Variants in CDH12 observed in about 807,000 individuals in gnomAD.
The protein encoded by CDH12 is cadherin-12.
In CDH12, 41 loss-of-function variants were observed where a neutral mutation model predicts 74.1. The ratio of observed to expected loss-of-function variants is 0.55; its 90% CI spans 0.43 to 0.72. The LOEUF is 0.72. Among genes scored for constraint, CDH12 ranks in the 30% least tolerant of loss-of-function variants. CDH12 has a pLI of 0.00. For synonymous variants in CDH12, 399 were observed against 355.0 expected, an observed-to-expected ratio of 1.12 and a Z score of -1.39; for missense variants, 945 against 977.2, an observed-to-expected ratio of 0.97 and a Z score of 0.44.
At chr5:22,760,340 C>T (rs895919798) in intron 1 of CDH12, among the ~76,000 whole-genome samples, 3 of 152,034 alleles carry the variant, frequency 2.0e-5, no homozygotes. Flanking sequence ...ATTCTCAGTG[C>T]CTAAAACAAT....
chr5:21,925,582 A>G (rs777006485), intron 6 of CDH12, among the ~76,000 whole-genome samples: 6 of 152,212 alleles, frequency 3.9e-5, no homozygotes, highest in Non-Finnish European at 7.3e-5. Flanking sequence ...AAGTAACACT[A>G]TCAGTTATAA....
At chr5:22,740,419 T>C (rs1046330476) in intron 1 of CDH12, among the ~76,000 whole-genome samples, 6 of 151,406 alleles carry the variant, frequency 4.0e-5, no homozygotes, top group Non-Finnish European at 7.4e-5. Context: ...ATAGATTCAT[T>C]AGGTAAAAAA....
chr5:22,269,489 C>A (rs753509737), intron 3 of CDH12, among the ~76,000 whole-genome samples: 5 of 152,060 alleles, frequency 3.3e-5, no homozygotes, highest in Non-Finnish European at 5.9e-5. Flanking sequence ...TAGACTCTTT[C>A]TATATAAGCA....
intron 1 of CDH12, among the ~76,000 whole-genome samples, chr5:22,511,696 A>G (rs1736616588): frequency 6.6e-6 from 1 of 152,200 alleles, no homozygotes; most frequent in Non-Finnish European, 1.5e-5. Flanking sequence ...CTAAAAGTGA[A>G]ATGCAGGTAA....
chr5:22,459,038 C>T (rs1040319836), intron 2 of CDH12, among the ~76,000 whole-genome samples: 13 of 151,964 alleles, frequency 8.6e-5, no homozygotes, highest in Admixed American at 2.6e-4. Context: ...AATCACTGTA[C>T]GAGGTTAAAC....
intron 3 of CDH12, among the ~76,000 whole-genome samples, chr5:22,371,913 T>G (rs559153528): frequency 6.6e-6 from 1 of 152,216 alleles, no homozygotes. Flanking sequence ...TTGTCCTTTA[T>G]TCTCAAAGGT....
At chr5:22,745,656 C>T (rs1055003177) in intron 1 of CDH12, among the ~76,000 whole-genome samples, 2 of 152,116 alleles carry the variant, frequency 1.3e-5, no homozygotes, top group African/African-American at 4.8e-5. Context: ...CCTTAGCAAA[C>T]TAACAGAGGA....
intron 6 of CDH12, among the ~76,000 whole-genome samples, chr5:21,876,083 A>G (rs191460060): frequency 6.6e-6 from 1 of 152,070 alleles, no homozygotes; most frequent in East Asian, 1.9e-4. Flanking sequence ...TTTAGTAGAG[A>G]CAGGATTTCA....
chr5:22,206,363 C>T (rs562243384), intron 4 of CDH12, among the ~76,000 whole-genome samples: 1 of 152,168 alleles, frequency 6.6e-6, no homozygotes, highest in African/African-American at 2.4e-5. Flanking sequence ...CAGTGTCCAA[C>T]TGGGGCTACA....
In CDH12 at chr5:22,275,326, C is replaced by T. The variant is rs1265720910; in HGVS notation, c.-332-62683G>A. ...AAAAGGAAGAAAGGATGATCTGGGA[C>T]ATGAAAGTTGAAAAAAAAAGAAAAA... On this transcript the variant is annotated intron_variant, in intron 3 of 14. Coordinates refer to ENST00000382254, the MANE Select transcript of CDH12 (RefSeq NM_004061.5). Among the ~76,000 whole-genome samples, 5 of 151,286 alleles carry T rather than the reference C, an allele frequency of 3.3e-5. No individual in the cohort carries two copies. In the East Asian group the frequency reaches 9.7e-4, roughly 29 times the overall value.
intron 6 of CDH12, among the ~76,000 whole-genome samples, chr5:21,938,748 A>ATATATATATATATATC (rs1490336535): frequency 1.6e-3 from 214 of 136,384 alleles, no homozygotes; most frequent in African/African-American, 5.6e-3. Flanking sequence ...ATATATATAT[A>ATATATATATATATATC]TCTTCTACAT....
At chr5:22,736,043 T>C (rs1413329271) in intron 1 of CDH12, among the ~76,000 whole-genome samples, 1 of 151,898 alleles carries the variant, frequency 6.6e-6, no homozygotes, top group Non-Finnish European at 1.5e-5. Context: ...TTTGACCATG[T>C]CACTTAAATT....
intron 3 of CDH12, among the ~76,000 whole-genome samples, chr5:22,236,795 C>T (rs1328860643): frequency 6.6e-6 from 1 of 151,892 alleles, no homozygotes; most frequent in Non-Finnish European, 1.5e-5. Flanking sequence ...TAACCTAAAC[C>T]TTCACCAGAT....
intron 6 of CDH12, among the ~76,000 whole-genome samples, chr5:21,889,348 A>G (rs1355801185): frequency 6.6e-6 from 1 of 152,156 alleles, no homozygotes; most frequent in Non-Finnish European, 1.5e-5. Context: ...TATCTGGCTC[A>G]CTGCAGGGGG....
chr5:22,341,349 C>T lies in CDH12; in HGVS notation c.-333+63908G>A, dbSNP rs1030790022. On this transcript the variant is annotated intron_variant, in intron 3 of 14. Coordinates refer to ENST00000382254, the MANE Select transcript of CDH12 (RefSeq NM_004061.5). ...AAAGAATAAAGAAAGAATGGCTAGA[C>T]TTAAAATACAGGCTATGTTTGACTT... 2.0e-5 allele frequency among the ~76,000 whole-genome samples: 3 copies of T among 152,066 alleles called. No homozygotes were observed. In the South Asian group the frequency reaches 6.2e-4, roughly 32 times the overall value.
chr5:22,820,850 T>C (rs1178440216), intron 1 of CDH12, among the ~76,000 whole-genome samples: 4 of 152,080 alleles, frequency 2.6e-5, no homozygotes, highest in Middle Eastern at 3.4e-3. Flanking sequence ...TTCCAATCAA[T>C]AGAAAAAGAG....
At chr5:22,656,332 C>T (rs1740033239) in intron 1 of CDH12, among the ~76,000 whole-genome samples, 1 of 152,070 alleles carries the variant, frequency 6.6e-6, no homozygotes. Flanking sequence ...GGTGTTCAAG[C>T]CACTCACTTT....
chr5:22,783,127 T>G (rs1343700633), intron 1 of CDH12, among the ~76,000 whole-genome samples: 2 of 152,166 alleles, frequency 1.3e-5, no homozygotes, highest in East Asian at 3.8e-4. Flanking sequence ...TGAAAATGAC[T>G]AGGTTTTGCT....
At chr5:22,491,808 AG>A (rs1271998277) in intron 2 of CDH12, among the ~76,000 whole-genome samples, 2 of 152,074 alleles carry the variant, frequency 1.3e-5, no homozygotes, top group Non-Finnish European at 2.9e-5. Context: ...TCCAAAATCA[AG>A]GTATTTGCAG....
Sources: allele counts gnomAD v4.1 joint callset (sites outside exome capture counted in the v4.1 genomes callset), GRCh38; gene constraint gnomAD v4.1.1; transcripts MANE v1.5; gene names NCBI Gene and HGNC (gene_info 2026-07-23, HGNC 2026-07-21).